The following WDR86 variants were observed in gnomAD, a reference collection of about 807,000 sequenced individuals.
The protein encoded by WDR86 is WD repeat-containing protein 86.
WDR86 carries 30 observed loss-of-function variants against 36.5 expected under a neutral mutation model. The ratio of observed to expected loss-of-function variants is 0.82; its 90% CI spans 0.61 to 1.11. The LOEUF is 1.11. Among genes scored for constraint, WDR86 ranks in the 50% most tolerant of loss-of-function variants. The pLI, the probability that WDR86 is intolerant of heterozygous loss-of-function variation, is 0.00. For missense variants in WDR86, 545 were observed against 561.2 expected (o/e 0.97, Z 0.29); for synonymous variants, 255 against 252.9 (o/e 1.01, Z -0.08).
Position 151,385,180 on chromosome 7 carries a change from A to G in WDR86, c.770T>C (p.Val257Ala). The change falls in exon 4 of 6, where the codon GTC (valine) becomes GCC (alanine). Residue 257 changes from valine to alanine, a missense_variant. Physicochemically the swap from Val to Ala is moderately conservative, Grantham distance 64. Coordinates refer to ENST00000334493, the MANE Select transcript of WDR86 (RefSeq NM_198285.3). ...LVYSGSADRT[V>A]KCWLADTGEC... ...CCCTGTGTCTGCCAGCCAGCACTTG[A>G]CGGTCCTGTCCGCGCTGCCAGAGTA... The G allele has an allele frequency of 6.2e-7, 1 of 1,613,088 alleles. No individual in the cohort carries two copies. Among genetic ancestry groups the G allele is most frequent in the African/African-American group, 1.3e-5 (1 of 75,052 alleles).
At position 151,409,857 on chromosome 7, in the gene WDR86, G is replaced by A; in HGVS notation, c.-268C>T. 1.7e-6 allele frequency: 2 copies of A among 1,211,640 alleles called. No homozygotes were observed. The highest frequency in any genetic ancestry group is 3.5e-5 in the East Asian group (1 of 28,224). The allele number at this position is 1,211,640 out of a possible 1,614,324, so 75.1% of individuals were successfully genotyped here. On this transcript the variant is annotated 5_prime_UTR_variant, in exon 1 of 6. Coordinates refer to ENST00000334493, the MANE Select transcript of WDR86 (RefSeq NM_198285.3). This position sits in a 1 kb window ranked among gnomAD's most constrained non-coding sequence, Gnocchi z 5.2. ...GTAGAGTCCTGGGCGCGCGGGCAGA[G>A]AGAACCCCCTTCCCAGCACCGCTCG...
chr7:151,388,784 C>T lies in WDR86; in HGVS notation c.727-3561G>A, dbSNP rs766493494. Among the ~76,000 whole-genome samples, 2 of 152,148 alleles carry T rather than the reference C, an allele frequency of 1.3e-5. No homozygotes were observed. The highest frequency in any genetic ancestry group is 6.5e-5 in the Admixed American group (1 of 15,278). On this transcript the variant is annotated intron_variant, in intron 3 of 5. Transcript: ENST00000334493. This position sits in a 1 kb window ranked among gnomAD's most constrained non-coding sequence, Gnocchi z 4.2. ...GCCACCTGGTCCCCAGGCTGACGGTCGGAGGCGGGGTATATGAAGCTATGG... is the reference window on the plus strand; with the variant it reads ...GCCACCTGGTCCCCAGGCTGACGGTTGGAGGCGGGGTATATGAAGCTATGG...
chr7:151,391,536 G>A (rs368622732), intron 3 of WDR86, among the ~76,000 whole-genome samples: 7 of 152,260 alleles, frequency 4.6e-5, no homozygotes, highest in African/African-American at 1.2e-4. Flanking sequence ...GAGCCCGGGC[G>A]AGACTGAGGG....
intron 3 of WDR86, among the ~76,000 whole-genome samples, chr7:151,391,061 C>T (rs749711201): frequency 2.0e-5 from 3 of 152,268 alleles, no homozygotes; most frequent in Non-Finnish European, 4.4e-5. Flanking sequence ...CCCTCCTGTG[C>T]TTCCTGGACC....
chr7:151,369,982 A>G, the WDR86 span, among the ~76,000 whole-genome samples: 1 of 152,116 alleles, frequency 6.6e-6, no homozygotes, highest in African/African-American at 2.4e-5. Flanking sequence ...TTCTCCTTTT[A>G]CAACACCAGC....
Position 151,409,414 on chromosome 7 carries a change from T to C in WDR86, c.163+13A>G, listed in dbSNP as rs1801018155. The C allele has an allele frequency of 6.4e-6, 10 of 1,553,952 alleles. No homozygotes were observed. Among genetic ancestry groups the C allele is most frequent in the Non-Finnish European group, 8.7e-6 (10 of 1,152,976 alleles). On this transcript the variant is annotated intron_variant, in intron 1 of 5. Coordinates refer to ENST00000334493, the MANE Select transcript of WDR86 (RefSeq NM_198285.3). The surrounding 1 kb of genome is among the most constrained non-coding windows in gnomAD (Gnocchi z 5.2). ...TGCGGCGAAGAGGTCAGGGAGGGAG[T>C]GGGAGGGTCTACCTTGCAGGAGCGC... is the stretch of plus-strand genomic sequence containing the variant.
chr7:151,376,559 T>C (rs974013080), downstream of WDR86: 3 of 1,386,810 alleles, frequency 2.2e-6, no homozygotes, highest in Non-Finnish European at 2.9e-6. Context: ...GAGTCGGCTG[T>C]CCACTCGTAT....
exon 2 of WDR86, chr7:151,376,007 C>T (rs731995): frequency 0.1 from 102,572 of 1,028,324 alleles, 7,780 homozygotes; most frequent in East Asian, 0.3. Flanking sequence ...TGGGGTAACC[C>T]GGGTGAATCA....
In WDR86 at chr7:151,385,204, T is replaced by A. The variant is rs759504115; in HGVS notation, c.746A>T (p.Tyr249Phe). ...GACGGTCCTGTCCGCGCTGCCAGAG[T>A]ACACGAGTCGGTTCACCAGCTGCGA... Reference protein sequence around the residue: ...ICLELVNRLVYSGSADRTVKC... With the variant: ...ICLELVNRLVFSGSADRTVKC... The change falls in exon 4 of 6, where the codon TAC becomes TTC. Residue 249 changes from tyrosine to phenylalanine, a missense_variant. Coordinates refer to ENST00000334493, the MANE Select transcript of WDR86 (RefSeq NM_198285.3). The A allele has an allele frequency of 1.9e-6, 3 of 1,612,274 alleles. No homozygotes were observed. The highest frequency in any genetic ancestry group is 1.7e-6 in the Non-Finnish European group (2 of 1,179,860).
rs1434432767 is a variant in WDR86 at position 151,401,747 on chromosome 7, G to A, written c.164-1506C>T. On this transcript the variant is annotated intron_variant, in intron 1 of 5. Coordinates refer to ENST00000334493, the MANE Select transcript of WDR86 (RefSeq NM_198285.3). This position sits in a 1 kb window ranked among gnomAD's most constrained non-coding sequence, Gnocchi z 4.3. Reference sequence around the variant, plus strand: ...GAGATTATCCTAGATTATCCGGGGGGTCCTAAATACAACCGCAAGTGGCCA... The same window carrying A: ...GAGATTATCCTAGATTATCCGGGGGATCCTAAATACAACCGCAAGTGGCCA... Among the ~76,000 whole-genome samples, 1 of 151,802 alleles carries A rather than the reference G, an allele frequency of 6.6e-6. No homozygotes were observed. The highest frequency in any genetic ancestry group is 6.6e-5 in the Admixed American group (1 of 15,236).
downstream of WDR86, among the ~76,000 whole-genome samples, chr7:151,373,828 G>C (rs923114091): frequency 3.9e-5 from 6 of 152,238 alleles, no homozygotes; most frequent in African/African-American, 1.4e-4. Flanking sequence ...CCGGATGGTG[G>C]ATGGCGGGGC....
intron 2 of WDR86, among the ~76,000 whole-genome samples, chr7:151,397,521 T>A (rs1290280231): frequency 1.3e-5 from 2 of 152,174 alleles, no homozygotes; most frequent in African/African-American, 2.4e-5. Flanking sequence ...CCTCCCAGGT[T>A]CAAGCGATTC....
intron 3 of WDR86, among the ~76,000 whole-genome samples, chr7:151,385,883 G>A (rs140855377): frequency 1.9e-3 from 287 of 152,256 alleles, no homozygotes; most frequent in African/African-American, 6.1e-3. Context: ...AGGGAAGTGC[G>A]GAGACTATTA....
chr7:151,376,007 C>G, exon 2 of WDR86: 1 of 1,029,014 alleles, frequency 9.7e-7, no homozygotes, highest in Admixed American at 1.7e-5. Context: ...TGGGGTAACC[C>G]GGGTGAATCA....
In WDR86 at chr7:151,400,526, C is replaced by T. The variant is rs139040729; in HGVS notation, c.164-285G>A. The stretch of plus-strand genomic sequence containing the variant: ...CCTCCTGAGTAGCTGAGATTACAGG[C>T]GCATACCACTATACCTGGCTAATTC... On this transcript the variant is annotated intron_variant, in intron 1 of 5. Coordinates refer to ENST00000334493, the MANE Select transcript of WDR86 (RefSeq NM_198285.3). Among the ~76,000 whole-genome samples the T allele has an allele frequency of 2.0e-4, 30 of 152,260 alleles. No individual in the cohort carries two copies. In the East Asian group the frequency reaches 3.3e-3, roughly 17 times the overall value.
rs968909839 is a variant in WDR86, at chr7:151,390,011, C to T, written c.727-4788G>A. Among the ~76,000 whole-genome samples the T allele has an allele frequency of 2.6e-5, 4 of 152,152 alleles. No homozygotes were observed. The highest frequency in any genetic ancestry group is 1.3e-4 in the Admixed American group (2 of 15,282). Reference sequence around the variant, plus strand: ...GTGAGCCAGGGGCTGAATGCACAATCTCCAGCCCAGCAGAGCACTGAGGCA... The same window carrying T: ...GTGAGCCAGGGGCTGAATGCACAATTTCCAGCCCAGCAGAGCACTGAGGCA... On this transcript the variant is annotated intron_variant, in intron 3 of 5. Transcript: ENST00000334493. The surrounding 1 kb of genome is among the most constrained non-coding windows in gnomAD (Gnocchi z 4.5).
At chr7:151,376,139 G>A, downstream of WDR86, 2 of 550,434 alleles carry the variant, frequency 3.6e-6, no homozygotes, top group South Asian at 4.0e-5. Flanking sequence ...TGGAAAGCAG[G>A]AAAACTGGGG....
chr7:151,409,534 T>C lies in WDR86; in HGVS notation c.56A>G (p.Asn19Ser), dbSNP rs749040924. 6.6e-7 allele frequency: 1 copy of C among 1,525,532 alleles called. No individual in the cohort carries two copies. Among genetic ancestry groups the C allele is most frequent in the Non-Finnish European group, 8.8e-7 (1 of 1,141,750 alleles). 94.5% of individuals were successfully genotyped at this position (1,525,532 alleles called of 1,614,324 possible). A position where few individuals can be genotyped will look rare whatever the true frequency, so the allele number is the denominator to read the frequency against. The change falls in exon 1 of 6, where the codon AAC becomes AGC. Residue 19 changes from asparagine (N) to serine (S), a missense_variant. Transcript: ENST00000334493. This position sits in a 1 kb window ranked among gnomAD's most constrained non-coding sequence, Gnocchi z 5.2. ...CCCGTCGGGGCTCAGGCTCAGCCAG[T>C]TGATGCCCCCGCGGTGGTCGGCGCA... is the stretch of plus-strand genomic sequence containing the variant. ...RVCADHRGGI[N>S]WLSLSPDGQR...
At chr7:151,384,879 A>G (rs1798854301) in intron 4 of WDR86, among the ~76,000 whole-genome samples, 1 of 152,246 alleles carries the variant, frequency 6.6e-6, no homozygotes, top group Non-Finnish European at 1.5e-5. Context: ...GTCCTGGAGA[A>G]AGGTTGGGAG....
Sources: allele counts gnomAD v4.1 joint callset (sites outside exome capture counted in the v4.1 genomes callset), GRCh38; gene constraint gnomAD v4.1.1; non-coding constraint Gnocchi (gnomAD v3.1); transcripts MANE v1.5; gene names NCBI Gene and HGNC (gene_info 2026-07-23, HGNC 2026-07-21).